Variants in RIT2 observed in about 807,000 individuals in gnomAD.
RIT2 encodes GTP-binding protein Rit2.
A neutral mutation model predicts 23.7 loss-of-function variants in RIT2; 24 were observed. That is an observed-to-expected ratio of 1.01 (90% CI 0.73 to 1.43). The LOEUF (loss-of-function observed/expected upper bound fraction) is 1.43. Among genes scored for constraint, RIT2 ranks in the 40% most tolerant of loss-of-function variants. The pLI is 0.00. For missense variants in RIT2, 236 were observed against 266.9 expected (o/e 0.88, Z 0.81); for synonymous variants, 107 against 91.1 (o/e 1.17, Z -0.99).
intron 2 of RIT2, among the ~76,000 whole-genome samples, chr18:42,995,203 A>T (rs1322151536): frequency 1.3e-5 from 2 of 152,134 alleles, no homozygotes; most frequent in Non-Finnish European, 2.9e-5. Context: ...CCATCTTGGA[A>T]ATCTATCCTC....
At chr18:43,038,203 T>TTAA (rs1214589982) in intron 1 of RIT2, among the ~76,000 whole-genome samples, 1 of 20,340 alleles carries the variant, frequency 4.9e-5, no homozygotes, top group South Asian at 1.6e-3. Flanking sequence ...AGACTCTGTC[T>TTAA]CAAAAAAAAA....
chr18:42,943,955 G>A (rs2144162423), intron 3 of RIT2, among the ~76,000 whole-genome samples: 1 of 152,092 alleles, frequency 6.6e-6, no homozygotes, highest in South Asian at 2.1e-4. Flanking sequence ...CATCACTATG[G>A]GGTAATCCCC....
intron 1 of RIT2, among the ~76,000 whole-genome samples, chr18:43,062,761 T>C (rs2144324843): frequency 6.6e-6 from 1 of 152,272 alleles, no homozygotes; most frequent in East Asian, 1.9e-4. Context: ...CATGTTTAAG[T>C]ATGGGCAAGT....
chr18:42,867,651 G>A (rs1032599078), intron 4 of RIT2, among the ~76,000 whole-genome samples: 30 of 151,432 alleles, frequency 2.0e-4, no homozygotes, highest in African/African-American at 6.3e-4. Context: ...AAAAATAGCC[G>A]AGTGTGGTGG....
intron 4 of RIT2, among the ~76,000 whole-genome samples, chr18:42,858,600 T>C (rs1022222295): frequency 4.6e-5 from 7 of 152,182 alleles, no homozygotes; most frequent in Non-Finnish European, 8.8e-5. Flanking sequence ...AGCTCAGTGG[T>C]TTTTATTATA....
intron 4 of RIT2, among the ~76,000 whole-genome samples, chr18:42,765,599 A>G (rs594272): frequency 0.67 from 101,417 of 152,098 alleles, 36,821 homozygotes; most frequent in Middle Eastern, 0.83. Flanking sequence ...GCCCCAGGGA[A>G]AGCAGAGAGG....
chr18:42,754,732 C>T (rs1319709681), intron 4 of RIT2, among the ~76,000 whole-genome samples: 2 of 152,196 alleles, frequency 1.3e-5, no homozygotes, highest in Non-Finnish European at 2.9e-5. Flanking sequence ...AAGCCACACA[C>T]TTTGCAGTGG....
chr18:42,746,686 C>T (rs1045896427), intron 4 of RIT2, among the ~76,000 whole-genome samples: 8 of 152,138 alleles, frequency 5.3e-5, no homozygotes, highest in Non-Finnish European at 7.4e-5. Context: ...CCTATTGACA[C>T]TAGTACACAA....
chr18:42,830,580 G>T (rs538952562), intron 4 of RIT2, among the ~76,000 whole-genome samples: 1 of 152,142 alleles, frequency 6.6e-6, no homozygotes, highest in Non-Finnish European at 1.5e-5. Context: ...GATCCGTAAC[G>T]TGTATAGAGC....
chr18:42,967,563 T>G (rs4477807), intron 3 of RIT2, among the ~76,000 whole-genome samples: 1 of 135,160 alleles, frequency 7.4e-6, no homozygotes, highest in Non-Finnish European at 1.6e-5. Context: ...TTTTTTTTTT[T>G]TGTATTTTTA....
In RIT2 at chr18:42,923,643, G is replaced by C; in HGVS notation, c.355C>G (p.Gln119Glu). The change falls in exon 4 of 5, where the codon CAG (glutamine) becomes GAG (glutamate). Residue 119 changes from glutamine (Q) to glutamate (E), a missense_variant. Gln to Glu is a conservative substitution (Grantham distance 29). Coordinates refer to ENST00000326695, the MANE Select transcript of RIT2 (RefSeq NM_002930.4). Reference protein sequence around the residue: ...EAAKFKELIFQVRHTYEIPLV... With the variant: ...EAAKFKELIFEVRHTYEIPLV... ...GGAATTTCATAGGTGTGGCGGACCT[G>C]AAAAATGAGCTCTTTAAACTTGGCA... 2 of 1,613,390 alleles carry C rather than the reference G, an allele frequency of 1.2e-6. No homozygotes were observed. The highest frequency in any genetic ancestry group is 1.7e-6 in the Non-Finnish European group (2 of 1,179,614).
intron 1 of RIT2, among the ~76,000 whole-genome samples, chr18:43,112,948 CCCA>C (rs1403553357): frequency 1.3e-5 from 2 of 152,088 alleles, no homozygotes; most frequent in Non-Finnish European, 2.9e-5. Flanking sequence ...CTTCACACAA[CCCA>C]GGGTAATGGG....
chr18:43,086,768 T>C (rs1022580247), intron 1 of RIT2, among the ~76,000 whole-genome samples: 1 of 152,148 alleles, frequency 6.6e-6, no homozygotes, highest in Non-Finnish European at 1.5e-5. Context: ...GAAAAGATCA[T>C]GCTCTATCTG....
chr18:42,893,484 T>C (rs1174066799), intron 4 of RIT2, among the ~76,000 whole-genome samples: 1 of 152,050 alleles, frequency 6.6e-6, no homozygotes, highest in African/African-American at 2.4e-5. Context: ...AGGGCACTCA[T>C]CTCATTATAA....
chr18:42,861,566 T>A (rs564421617), intron 4 of RIT2, among the ~76,000 whole-genome samples: 3 of 152,200 alleles, frequency 2.0e-5, no homozygotes, highest in African/African-American at 7.2e-5. Flanking sequence ...TGGTTCTCAA[T>A]GGAACATTCA....
chr18:42,919,106 A>G (rs1908988488), intron 4 of RIT2, among the ~76,000 whole-genome samples: 1 of 152,148 alleles, frequency 6.6e-6, no homozygotes, highest in Non-Finnish European at 1.5e-5. Context: ...TCATGCCTTT[A>G]CTATATTCCA....
chr18:42,938,612 C>A (rs1371325361), intron 3 of RIT2, among the ~76,000 whole-genome samples: 1 of 152,040 alleles, frequency 6.6e-6, no homozygotes, highest in Non-Finnish European at 1.5e-5. Flanking sequence ...CTGCCTACTC[C>A]AATGTTAGAA....
chr18:42,872,846 T>C (rs1294194004), intron 4 of RIT2, among the ~76,000 whole-genome samples: 2 of 152,224 alleles, frequency 1.3e-5, no homozygotes, highest in Non-Finnish European at 2.9e-5. Flanking sequence ...CACTTGTTTT[T>C]ATCATAATAA....
chr18:43,024,069 G>T (rs1911655312), intron 2 of RIT2, among the ~76,000 whole-genome samples: 1 of 152,042 alleles, frequency 6.6e-6, no homozygotes, highest in South Asian at 2.1e-4. Context: ...AGATGGTCAA[G>T]GTATGTCATT....
Sources: allele counts gnomAD v4.1 joint callset (sites outside exome capture counted in the v4.1 genomes callset), GRCh38; gene constraint gnomAD v4.1.1; transcripts MANE v1.5; gene names NCBI Gene and HGNC (gene_info 2026-07-23, HGNC 2026-07-21).